The following TMEM131 variants were observed in gnomAD, a reference collection of about 807,000 sequenced individuals.
TMEM131 encodes the protein 2610524E03Rik.
A neutral mutation model predicts 211.6 loss-of-function variants in TMEM131; 66 were observed. That is an observed-to-expected ratio of 0.31 (90% CI 0.26 to 0.38). The LOEUF (loss-of-function observed/expected upper bound fraction) is 0.38. TMEM131 is among the 10% of genes least tolerant of loss of function. TMEM131 has a pLI of 1.00. For synonymous variants in TMEM131, 844 were observed against 841.3 expected, an observed-to-expected ratio of 1.00 and a Z score of -0.06; for missense variants, 2,036 against 2,299.3, an observed-to-expected ratio of 0.89 and a Z score of 2.34.
At chr2:97,817,988 A>C (rs2104991768) in intron 12 of TMEM131, among the ~76,000 whole-genome samples, 1 of 152,330 alleles carries the variant, frequency 6.6e-6, no homozygotes, top group Middle Eastern at 3.4e-3. Flanking sequence ...CATTATTTTA[A>C]AAATGTTGTG....
chr2:97,818,040 T>TA (rs1459359992), intron 12 of TMEM131, among the ~76,000 whole-genome samples: 1 of 152,160 alleles, frequency 6.6e-6, no homozygotes, highest in Non-Finnish European at 1.5e-5. Flanking sequence ...TAGGCAAAAC[T>TA]AAATAAAAAC....
In TMEM131 at chr2:97,792,575, C is replaced by G; in HGVS notation, c.3955G>C (p.Glu1319Gln). The change falls in exon 31 of 41, where the codon GAA (glutamate) becomes CAA (glutamine). Residue 1319 changes from glutamate (E) to glutamine (Q), a missense_variant. This residue lies in a region of TMEM131 where 1,623 missense variants were observed against 1,805.9 expected (regional missense o/e 0.90). Transcript: ENST00000186436. ...GCGAGGGGGGCGGGAGACAGCCTTT[C>G]AGGCTGCGGCTCCTGGGGCTGAGGC... Reference protein sequence around the residue: ...PVPQPQEPQPERLSPAPLAHP... With the variant: ...PVPQPQEPQPQRLSPAPLAHP... The G allele has an allele frequency of 6.2e-7, 1 of 1,613,206 alleles. No homozygotes were observed. Among genetic ancestry groups the G allele is most frequent in the Non-Finnish European group, 8.5e-7 (1 of 1,179,600 alleles).
intron 3 of TMEM131, among the ~76,000 whole-genome samples, chr2:97,893,918 T>C (rs962334320): frequency 1.3e-5 from 2 of 152,228 alleles, no homozygotes; most frequent in Non-Finnish European, 2.9e-5. Context: ...TTTGCTGCCA[T>C]TGCTTCTGGT....
chr2:97,814,160 G>A lies in TMEM131; in HGVS notation c.1447-19C>T, dbSNP rs1559376282. 1 of 1,609,680 alleles carries A rather than the reference G, an allele frequency of 6.2e-7. No homozygotes were observed. On this transcript the variant is annotated intron_variant, in intron 14 of 40. Transcript: ENST00000186436. Reference sequence around the variant, plus strand: ...TGTGAACCTGAGAAATGACAGAAGAGAAAAAAAACAAAGTGTCAGCATCAC... The same window carrying A: ...TGTGAACCTGAGAAATGACAGAAGAAAAAAAAAACAAAGTGTCAGCATCAC...
At chr2:97,988,267 T>G (rs1430715606) in intron 1 of TMEM131, among the ~76,000 whole-genome samples, 1 of 152,164 alleles carries the variant, frequency 6.6e-6, no homozygotes, top group Non-Finnish European at 1.5e-5. Flanking sequence ...TGCAAAAGAA[T>G]AGAGTTATAC....
At chr2:97,980,195 C>T (rs1202990717) in intron 1 of TMEM131, among the ~76,000 whole-genome samples, 1 of 152,034 alleles carries the variant, frequency 6.6e-6, no homozygotes, top group African/African-American at 2.4e-5. Context: ...AGATTTAATA[C>T]TGAAAAAGCC....
chr2:97,809,569 T>A, intron 19 of TMEM131, 119 bp downstream of exon 19: 1 of 712,822 alleles, frequency 1.4e-6, no homozygotes, highest in South Asian at 1.8e-5. Context: ...TGGTATAATG[T>A]CTTTAAAATA....
chr2:97,796,676 G>A (rs1680782837), intron 27 of TMEM131, among the ~76,000 whole-genome samples, 168 bp downstream of exon 27: 1 of 152,190 alleles, frequency 6.6e-6, no homozygotes, highest in African/African-American at 2.4e-5. Context: ...AATCTTTTAA[G>A]ATCCAAATCA....
At chr2:97,774,856 T>C (rs1382847530) in intron 32 of TMEM131, among the ~76,000 whole-genome samples, 4 of 152,190 alleles carry the variant, frequency 2.6e-5, no homozygotes. Flanking sequence ...GCTCCAGAAC[T>C]ATTTAGGAGT....
rs78874913 is a variant in TMEM131, at chr2:97,809,918, T to C, written c.1969-144A>G. Reference sequence around the variant, plus strand: ...TCCATACCAATATTAAAATCACCCATAGATACTGTTTAATCTGTCCAATGT... The same window carrying C: ...TCCATACCAATATTAAAATCACCCACAGATACTGTTTAATCTGTCCAATGT... On this transcript the variant is annotated intron_variant, in intron 18 of 40. Transcript: ENST00000186436. 3,473 of 621,508 alleles carry C rather than the reference T, an allele frequency of 5.6e-3. 77 individuals carry two copies. In the East Asian group the frequency reaches 0.057, roughly 10 times the overall value. The allele number at this position is 621,508 out of a possible 1,614,324, so 38.5% of individuals were successfully genotyped here. A position where few individuals can be genotyped will look rare whatever the true frequency, so the allele number is the denominator to read the frequency against.
At chr2:97,972,145 C>T (rs375776004) in intron 1 of TMEM131, among the ~76,000 whole-genome samples, 2 of 152,174 alleles carry the variant, frequency 1.3e-5, no homozygotes, top group African/African-American at 4.8e-5. Context: ...GAGGTGAAGG[C>T]TGCAGTGAGC....
At chr2:97,866,227 T>C (rs1205883905) in intron 4 of TMEM131, among the ~76,000 whole-genome samples, 1 of 152,276 alleles carries the variant, frequency 6.6e-6, no homozygotes, top group Non-Finnish European at 1.5e-5. Flanking sequence ...TTTCACTTGT[T>C]ATAAGTCTAT....
At position 97,982,692 on chromosome 2, in the gene TMEM131, T is replaced by C. The variant is rs145588060; in HGVS notation, c.187+12784A>G. On this transcript the variant is annotated intron_variant, in intron 1 of 40. Transcript: ENST00000186436. The stretch of plus-strand genomic sequence containing the variant: ...ACCTTACATGGCAAAAGGAATTTTG[T>C]AGATGTGATTAAATTAAGGATTTTG... Among the ~76,000 whole-genome samples, 875 of 152,262 alleles carry C rather than the reference T, an allele frequency of 5.7e-3. 12 individuals carry two copies. The highest frequency in any genetic ancestry group is 0.018 in the African/African-American group (766 of 41,536).
rs374829676 is a variant in TMEM131 at position 97,881,310 on chromosome 2, C to T, written c.359+6742G>A. 1.1e-4 allele frequency among the ~76,000 whole-genome samples: 16 copies of T among 151,500 alleles called. 1 individual carries two copies. Among genetic ancestry groups the T allele is most frequent in the African/African-American group, 3.9e-4 (16 of 41,230 alleles). Reference sequence around the variant, plus strand: ...CTGGAGTGCACTGTTGTGATCTCAGCTCACTGCAACCTCTGCCTCCTGAAT... The same window carrying T: ...CTGGAGTGCACTGTTGTGATCTCAGTTCACTGCAACCTCTGCCTCCTGAAT... On this transcript the variant is annotated intron_variant, in intron 4 of 40. Coordinates refer to ENST00000186436, the MANE Select transcript of TMEM131 (RefSeq NM_015348.2).
At position 97,880,228 on chromosome 2, in the gene TMEM131, C is replaced by T. The variant is rs1368207504; in HGVS notation, c.359+7824G>A. Among the ~76,000 whole-genome samples the T allele has an allele frequency of 2.0e-5, 3 of 152,196 alleles. No individual in the cohort carries two copies. The East Asian group carries it at 5.8e-4, about 29-fold the overall frequency. Reference sequence around the variant, plus strand: ...TGCTTTCAGGAAATGACATGTAGTTCTCCCCAGGTGTGGAGGACATATAAG... The same window carrying T: ...TGCTTTCAGGAAATGACATGTAGTTTTCCCCAGGTGTGGAGGACATATAAG... On this transcript the variant is annotated intron_variant, in intron 4 of 40. Coordinates refer to ENST00000186436, the MANE Select transcript of TMEM131 (RefSeq NM_015348.2).
At chr2:97,811,684 C>A (rs147622678) in intron 17 of TMEM131, among the ~76,000 whole-genome samples, 1 of 152,210 alleles carries the variant, frequency 6.6e-6, no homozygotes, top group Non-Finnish European at 1.5e-5. Flanking sequence ...TAACAAAACA[C>A]CAGACCTATG....
chr2:97,807,918 G>C (rs1681385489), intron 19 of TMEM131, among the ~76,000 whole-genome samples: 1 of 152,158 alleles, frequency 6.6e-6, no homozygotes, highest in Admixed American at 6.5e-5. Flanking sequence ...GATGAAACTA[G>C]TAATTCAAAG....
intron 4 of TMEM131, among the ~76,000 whole-genome samples, chr2:97,881,820 T>C (rs1466120999): frequency 6.6e-6 from 1 of 151,546 alleles, no homozygotes; most frequent in African/African-American, 2.4e-5. Context: ...TTTCACTTAA[T>C]AACATTCATG....
At chr2:97,940,675 G>A (rs2104488865) in intron 1 of TMEM131, among the ~76,000 whole-genome samples, 1 of 152,118 alleles carries the variant, frequency 6.6e-6, no homozygotes, top group South Asian at 2.1e-4. Flanking sequence ...GGGTGTGGTG[G>A]CAGGCGCCTG....
Sources: allele counts gnomAD v4.1 joint callset (sites outside exome capture counted in the v4.1 genomes callset), GRCh38; gene constraint gnomAD v4.1.1; regional missense constraint gnomAD v4.1.1; transcripts MANE v1.5; gene names NCBI Gene and HGNC (gene_info 2026-07-23, HGNC 2026-07-21).